Variants in APBA1 observed in about 807,000 individuals in gnomAD.
APBA1 encodes amyloid-beta A4 precursor protein-binding family A member 1.
In APBA1, 55 loss-of-function variants were observed where a neutral mutation model predicts 86.6. That is an observed-to-expected ratio of 0.64 (90% CI 0.51 to 0.80). APBA1 has a LOEUF of 0.80. Ranked by LOEUF, APBA1 falls within the 30% of genes least tolerant of loss-of-function variation. The probability of loss-of-function intolerance (pLI) is 0.00; values close to 1 mark genes in which losing one functional copy is unlikely to be tolerated. For missense variants in APBA1, 1,090 were observed against 1,183.0 expected, an observed-to-expected ratio of 0.92 and a Z score of 1.15; for synonymous variants, 511 against 493.9, an observed-to-expected ratio of 1.03 and a Z score of -0.46.
rs371424083 is a variant in APBA1 at position 69,449,698 on chromosome 9, C to T, written c.2067G>A (p.Met689Ile). The T allele has an allele frequency of 3.7e-6, 6 of 1,613,878 alleles. No homozygotes were observed. Among genetic ancestry groups the T allele is most frequent in the Non-Finnish European group, 5.1e-6 (6 of 1,179,790 alleles). The change falls in exon 10 of 13, where the codon ATG (methionine) becomes ATA (isoleucine). Residue 689 changes from methionine to isoleucine, a missense_variant. Met to Ile is a conservative substitution (Grantham distance 10). This residue lies in a region of APBA1 where 97 missense variants were observed against 166.8 expected (regional missense o/e 0.58). Transcript: ENST00000265381. Reference sequence around the variant, plus strand: ...CAGATTTCTCCGCAGGGCCACCATGCATCATGTTGGCAATGATCACGGTGG... The same window carrying T: ...CAGATTTCTCCGCAGGGCCACCATGTATCATGTTGGCAATGATCACGGTGG... Reference protein sequence around the residue: ...ILPTVIIANMMHGGPAEKSGK... With the variant: ...ILPTVIIANMIHGGPAEKSGK...
At position 69,432,689 on chromosome 9, in the gene APBA1, A is replaced by T; in HGVS notation, c.2302-13T>A. 6.4e-7 allele frequency: 1 copy of T among 1,552,176 alleles called. No individual in the cohort carries two copies. Among genetic ancestry groups the T allele is most frequent in the Non-Finnish European group, 8.7e-7 (1 of 1,153,312 alleles). ...TGAGGCTGCAGATCTGCCAGAGTCAAAGGCAGAGTTACCCTCATTGCAGAC... is the reference window on the plus strand; with the variant it reads ...TGAGGCTGCAGATCTGCCAGAGTCATAGGCAGAGTTACCCTCATTGCAGAC... On this transcript the variant is annotated splice_polypyrimidine_tract_variant and intron_variant, in intron 11 of 12. Coordinates refer to ENST00000265381, the MANE Select transcript of APBA1 (RefSeq NM_001163.4).
intron 1 of APBA1, among the ~76,000 whole-genome samples, chr9:69,518,413 A>G (rs1409629335): frequency 6.6e-6 from 1 of 152,196 alleles, no homozygotes; most frequent in Non-Finnish European, 1.5e-5. Context: ...ATGAGTTGCC[A>G]TTATAGCTAG....
At chr9:69,489,525 TAGA>T (rs1835668175) in intron 2 of APBA1, among the ~76,000 whole-genome samples, 1 of 150,156 alleles carries the variant, frequency 6.7e-6, no homozygotes, top group African/African-American at 2.5e-5. Context: ...ATAAAAACCC[TAGA>T]AGAAGGCAAC....
At chr9:69,598,808 C>T (rs561739558) in intron 1 of APBA1, among the ~76,000 whole-genome samples, 50 of 152,284 alleles carry the variant, frequency 3.3e-4, no homozygotes, top group African/African-American at 8.2e-4. Context: ...AGTTATAGTC[C>T]GCCATGAAGG....
intron 2 of APBA1, among the ~76,000 whole-genome samples, chr9:69,514,420 A>C (rs1031978378): frequency 1.3e-5 from 2 of 151,868 alleles, no homozygotes; most frequent in East Asian, 3.9e-4. Context: ...GTGAAACCCC[A>C]CTCCTACTAA....
At chr9:69,482,283 A>AC (rs1835525159) in intron 2 of APBA1, among the ~76,000 whole-genome samples, 1 of 151,600 alleles carries the variant, frequency 6.6e-6, no homozygotes, top group Non-Finnish European at 1.5e-5. Flanking sequence ...CAAGAAAAAA[A>AC]CAAACAACCT....
intron 1 of APBA1, among the ~76,000 whole-genome samples, chr9:69,548,382 C>T (rs956365346): frequency 2.0e-5 from 3 of 152,184 alleles, no homozygotes; most frequent in African/African-American, 7.2e-5. Flanking sequence ...GTGTCAGCTT[C>T]CCATCTACAG....
intron 1 of APBA1, among the ~76,000 whole-genome samples, chr9:69,563,477 C>T (rs186583193): frequency 5.3e-5 from 8 of 152,294 alleles, no homozygotes; most frequent in Middle Eastern, 3.4e-3. Flanking sequence ...TATAAACCTT[C>T]CTTTGAATTC....
intron 1 of APBA1, among the ~76,000 whole-genome samples, chr9:69,611,828 G>A (rs1822595433): frequency 6.6e-6 from 1 of 152,174 alleles, no homozygotes; most frequent in African/African-American, 2.4e-5. Flanking sequence ...AATCACTTAA[G>A]TAATTCTATT....
chr9:69,662,304 T>C (rs1823768681), intron 1 of APBA1, among the ~76,000 whole-genome samples: 2 of 152,166 alleles, frequency 1.3e-5, no homozygotes, highest in Admixed American at 6.5e-5. Context: ...GAAGAGTAAA[T>C]TAGGTCATTA....
chr9:69,514,162 T>G (rs1836095948), intron 2 of APBA1, among the ~76,000 whole-genome samples: 1 of 152,368 alleles, frequency 6.6e-6, no homozygotes, highest in Admixed American at 6.5e-5. Context: ...TCAGTTACTT[T>G]GTGTAGCTCT....
intron 10 of APBA1, among the ~76,000 whole-genome samples, chr9:69,448,825 A>G (rs556882850): frequency 6.6e-6 from 1 of 152,342 alleles, no homozygotes; most frequent in East Asian, 1.9e-4. Flanking sequence ...TACAGATGCC[A>G]TCATGGAGGA....
chr9:69,586,105 G>C (rs1021606052), intron 1 of APBA1, among the ~76,000 whole-genome samples: 1 of 152,146 alleles, frequency 6.6e-6, no homozygotes, highest in Admixed American at 6.5e-5. Flanking sequence ...CAGGATTTCT[G>C]CTGGGGCAAG....
chr9:69,516,303 G>C lies in APBA1; in HGVS notation c.908C>G (p.Pro303Arg), dbSNP rs1836145342. Residue 303 changes from proline (P) to arginine (R), a missense_variant, in exon 2 of 13, where the codon CCC (proline) becomes CGC (arginine). By Grantham distance (103) the Pro-to-Arg change is moderately radical. Around this residue, in one of 6 missense-constraint regions of APBA1, gnomAD observed 678 missense variants for 647.1 expected, o/e 1.05. Transcript: ENST00000265381. This position sits in a 1 kb window ranked among gnomAD's most constrained non-coding sequence, Gnocchi z 7.3. ...GGGGCGACCCCCGGCCGGGGTAGGG[G>C]GACGCTCCAGGTCCTGCTCGGCCTC... The part of the protein sequence containing the change: ...MPEAEQDLER[P>R]PTPAGGRPDS... 3 of 1,568,710 alleles carry C rather than the reference G, an allele frequency of 1.9e-6. No individual in the cohort carries two copies. The highest frequency in any genetic ancestry group is 2.6e-6 in the Non-Finnish European group (3 of 1,164,028).
At chr9:69,666,118 A>G (rs532009608) in intron 1 of APBA1, among the ~76,000 whole-genome samples, 1 of 152,354 alleles carries the variant, frequency 6.6e-6, no homozygotes, top group Non-Finnish European at 1.5e-5. Context: ...ATGGTAATAC[A>G]GCCTTATGGG....
intron 1 of APBA1, among the ~76,000 whole-genome samples, chr9:69,567,283 C>T (rs1164949778): frequency 1.3e-5 from 2 of 152,126 alleles, no homozygotes. Flanking sequence ...ACTGCACCCA[C>T]AAAGGGGATG....
At chr9:69,466,891 C>A (rs1835288813) in intron 5 of APBA1, among the ~76,000 whole-genome samples, 1 of 152,204 alleles carries the variant, frequency 6.6e-6, no homozygotes, top group Non-Finnish European at 1.5e-5. Context: ...CTGGATAAAA[C>A]AGACTCTTAC....
chr9:69,458,867 C>A (rs1835145023), intron 5 of APBA1, among the ~76,000 whole-genome samples: 1 of 151,384 alleles, frequency 6.6e-6, no homozygotes, highest in Non-Finnish European at 1.5e-5. Context: ...AGTGCAATGG[C>A]ATGATCTTGG....
chr9:69,428,058 G>T lies in APBA1; in HGVS notation c.*3269C>A, dbSNP rs954220043. 1 of 152,320 alleles carries T rather than the reference G, an allele frequency of 6.6e-6. No homozygotes were observed. The highest frequency in any genetic ancestry group is 1.9e-4 in the East Asian group (1 of 5,178). 9.4% of individuals were successfully genotyped at this position (152,320 alleles called of 1,614,324 possible). On this transcript the variant is annotated 3_prime_UTR_variant, in exon 13 of 13. Coordinates refer to ENST00000265381, the MANE Select transcript of APBA1 (RefSeq NM_001163.4). ...GAGACACATGAAACTCAAACCAACAGGTGGCCTGTGAATGCGAGTAAACAC... is the reference window on the plus strand; with the variant it reads ...GAGACACATGAAACTCAAACCAACATGTGGCCTGTGAATGCGAGTAAACAC...
Sources: allele counts gnomAD v4.1 joint callset (sites outside exome capture counted in the v4.1 genomes callset), GRCh38; gene constraint gnomAD v4.1.1; regional missense constraint gnomAD v4.1.1; non-coding constraint Gnocchi (gnomAD v3.1); transcripts MANE v1.5; gene names NCBI Gene and HGNC (gene_info 2026-07-23, HGNC 2026-07-21).